The following ACSM2B variants were observed in gnomAD, a reference collection of about 807,000 sequenced individuals.
ACSM2B encodes the protein acyl-coenzyme A synthetase ACSM2B, mitochondrial.
In ACSM2B, 58 loss-of-function variants were observed where a neutral mutation model predicts 78.6. The observed-to-expected ratio is 0.74, with a 90% confidence interval of 0.60 to 0.92. ACSM2B has a LOEUF of 0.92. Among genes scored for constraint, ACSM2B ranks in the 40% least tolerant of loss-of-function variants. The probability of loss-of-function intolerance (pLI) is 0.00; values close to 1 mark genes in which losing one functional copy is unlikely to be tolerated. For missense variants in ACSM2B, 688 were observed against 711.2 expected (o/e 0.97, Z 0.37); for synonymous variants, 257 against 256.8 (o/e 1.00, Z -0.01).
intron 1 of ACSM2B, among the ~76,000 whole-genome samples, chr16:20,569,245 G>A (rs765463236): frequency 1.4e-4 from 22 of 151,926 alleles, no homozygotes; most frequent in Non-Finnish European, 3.1e-4. Flanking sequence ...TTTGTATAAG[G>A]TGATATATGA....
At position 20,545,050 on chromosome 16, in the gene ACSM2B, T is replaced by G. The variant is rs570729333; in HGVS notation, c.1281+107A>C. On this transcript the variant is annotated intron_variant, in intron 10 of 13. Coordinates refer to ENST00000329697, the MANE Select transcript of ACSM2B (RefSeq NM_001105069.2). ...TCTTGAAAACTGGACACTCTTTGTC[T>G]CCATATCTAATGCCTCTTGGAAGTT... The G allele has an allele frequency of 3.7e-4, 517 of 1,409,776 alleles. 2 individuals are homozygous for G. The highest frequency in any genetic ancestry group is 4.4e-4 in the Non-Finnish European group (468 of 1,054,094). The allele number at this position is 1,409,776 out of a possible 1,614,324, so 87.3% of individuals were successfully genotyped here. A position where few individuals can be genotyped will look rare whatever the true frequency, so the allele number is the denominator to read the frequency against.
At chr16:20,569,086 T>C (rs1359006016) in intron 1 of ACSM2B, among the ~76,000 whole-genome samples, 7 of 152,122 alleles carry the variant, frequency 4.6e-5, no homozygotes, top group East Asian at 1.9e-4. Flanking sequence ...CATCTATTTA[T>C]CTTCATTTTT....
chr16:20,565,967 C>A (rs1232909106), intron 1 of ACSM2B, among the ~76,000 whole-genome samples: 6 of 151,408 alleles, frequency 4.0e-5, no homozygotes, highest in Non-Finnish European at 7.4e-5. Flanking sequence ...GGTCTCCAAT[C>A]CCATCCAGGT....
chr16:20,559,870 C>G (rs1465232990), intron 2 of ACSM2B, among the ~76,000 whole-genome samples: 1 of 150,978 alleles, frequency 6.6e-6, no homozygotes, highest in Non-Finnish European at 1.5e-5. Flanking sequence ...TCTGCATTCA[C>G]TCTGTTGTGA....
intron 2 of ACSM2B, 106 bp from the exon 3 acceptor site, chr16:20,559,553 T>A (rs2015584450): frequency 7.1e-7 from 1 of 1,408,218 alleles, no homozygotes; most frequent in East Asian, 2.5e-5. Flanking sequence ...AGGTTTTTTA[T>A]CTCAGCACCT....
In ACSM2B at chr16:20,566,711, ATATATAG is replaced by A. The variant is rs1416853439; in HGVS notation, c.-8-1865_-8-1859del. Among the ~76,000 whole-genome samples the A allele has an allele frequency of 4.4e-4, 20 of 45,282 alleles. 2 individuals carry two copies. Among genetic ancestry groups the A allele is most frequent in the African/African-American group, 2.4e-3 (18 of 7,392 alleles). The allele number at this position is 45,282 out of a possible 152,430, so 29.7% of individuals were successfully genotyped here. ...ATACTATATATAGTATATATATAGTATATATAGTATATACTATATATAGTATATACTA... is the reference window on the plus strand; with the variant it reads ...ATACTATATATAGTATATATATAGTATATATACTATATATAGTATATACTA... On this transcript the variant is annotated intron_variant, in intron 1 of 13. Coordinates refer to ENST00000329697, the MANE Select transcript of ACSM2B (RefSeq NM_001105069.2).
chr16:20,554,561 A>T (rs548253765), intron 4 of ACSM2B, among the ~76,000 whole-genome samples: 22 of 152,336 alleles, frequency 1.4e-4, no homozygotes, highest in African/African-American at 5.0e-4. Context: ...GATTTCAGAC[A>T]TGTTGACAGA....
chr16:20,559,529 G>T, intron 2 of ACSM2B, 82 bp from the exon 3 acceptor site: 1 of 1,518,310 alleles, frequency 6.6e-7, no homozygotes, highest in Non-Finnish European at 8.9e-7. Flanking sequence ...GGATTGCCAA[G>T]CTGGTGCTTA....
At chr16:20,549,197 T>C (rs1359752885) in intron 6 of ACSM2B, among the ~76,000 whole-genome samples, 1 of 152,176 alleles carries the variant, frequency 6.6e-6, no homozygotes, top group Non-Finnish European at 1.5e-5. Flanking sequence ...ACCATCTCCA[T>C]CCCATGCTTT....
intron 2 of ACSM2B, among the ~76,000 whole-genome samples, chr16:20,560,516 C>T (rs1324756124): frequency 6.6e-6 from 1 of 152,022 alleles, no homozygotes; most frequent in Non-Finnish European, 1.5e-5. Context: ...CTTGAGGCCC[C>T]CATCAGAAGC....
At chr16:20,540,226 T>TGG (rs1567203949) in intron 13 of ACSM2B, among the ~76,000 whole-genome samples, 154 of 73,136 alleles carry the variant, frequency 2.1e-3, no homozygotes, top group Non-Finnish European at 3.0e-3. Flanking sequence ...TTTTTTTTGT[T>TGG]TTTTTTTTTT....
intron 13 of ACSM2B, among the ~76,000 whole-genome samples, 179 bp from the exon 14 acceptor site, chr16:20,537,541 G>T (rs1255795198): frequency 6.6e-6 from 1 of 152,156 alleles, no homozygotes; most frequent in Non-Finnish European, 1.5e-5. Flanking sequence ...AGGATGGCTA[G>T]AATTGGGCAT....
chr16:20,542,847 A>C (rs1174566197), intron 12 of ACSM2B, 67 bp downstream of exon 12: 1 of 1,594,192 alleles, frequency 6.3e-7, no homozygotes, highest in Non-Finnish European at 8.6e-7. Flanking sequence ...CCCTGTTCTT[A>C]AACCATCATA....
chr16:20,560,851 G>A (rs1386766591), intron 2 of ACSM2B, among the ~76,000 whole-genome samples: 1 of 152,044 alleles, frequency 6.6e-6, no homozygotes, highest in Non-Finnish European at 1.5e-5. Context: ...AATGCAGGCT[G>A]ACCAGATTTC....
intron 4 of ACSM2B, among the ~76,000 whole-genome samples, 160 bp downstream of exon 4, chr16:20,555,109 A>AG (rs1415071718): frequency 6.6e-6 from 1 of 151,458 alleles, no homozygotes; most frequent in African/African-American, 2.4e-5. Flanking sequence ...AATGACTTGA[A>AG]AAAAAAAACC....
intron 6 of ACSM2B, among the ~76,000 whole-genome samples, chr16:20,551,207 G>A (rs1420104332): frequency 6.6e-6 from 1 of 152,050 alleles, no homozygotes; most frequent in Non-Finnish European, 1.5e-5. Flanking sequence ...TCAGAGAAGG[G>A]GTATGAACAC....
chr16:20,557,414 A>G (rs1459119102), intron 3 of ACSM2B, among the ~76,000 whole-genome samples: 2 of 148,198 alleles, frequency 1.3e-5, no homozygotes, highest in East Asian at 4.9e-4. Flanking sequence ...TTCCCCCCCA[A>G]TTGCCTGTTA....
At chr16:20,548,345 T>C in intron 7 of ACSM2B, 49 bp downstream of exon 7, 1 of 1,611,226 alleles carries the variant, frequency 6.2e-7, no homozygotes, top group Middle Eastern at 1.7e-4. Flanking sequence ...TGTGAGGGAG[T>C]CAGGGGGATG....
chr16:20,555,553 G>A (rs528203142), intron 3 of ACSM2B, 77 bp from the exon 4 acceptor site: 4 of 1,593,152 alleles, frequency 2.5e-6, no homozygotes, highest in East Asian at 4.5e-5. Context: ...TAAACATCAA[G>A]CAGGGAGCAA....
Sources: allele counts gnomAD v4.1 joint callset (sites outside exome capture counted in the v4.1 genomes callset), GRCh38; gene constraint gnomAD v4.1.1; transcripts MANE v1.5; gene names NCBI Gene and HGNC (gene_info 2026-07-23, HGNC 2026-07-21).